MYO16: variants seen among roughly 807,000 people sequenced by gnomAD.
The protein encoded by MYO16 is unconventional myosin-XVI.
Under a neutral mutation model 205.3 loss-of-function variants are expected in MYO16, and 94 were observed. That is an observed-to-expected ratio of 0.46 (90% confidence interval 0.39 to 0.54). MYO16 has a LOEUF of 0.54. Among genes scored for constraint, MYO16 ranks in the 20% least tolerant of loss-of-function variants. The pLI is 0.00. For synonymous variants in MYO16, 988 were observed against 954.0 expected (o/e 1.04, Z -0.66); for missense variants, 2,315 against 2,387.5 (o/e 0.97, Z 0.63).
chr13:108,749,136 C>A (rs1885150566), intron 4 of MYO16, among the ~76,000 whole-genome samples: 1 of 151,598 alleles, frequency 6.6e-6, no homozygotes, highest in Admixed American at 6.6e-5. Context: ...TTAACATATG[C>A]ATTACCTCAC....
chr13:109,033,984 C>G (rs1886628741), intron 23 of MYO16, among the ~76,000 whole-genome samples: 2 of 152,138 alleles, frequency 1.3e-5, no homozygotes, highest in African/African-American at 2.4e-5. Flanking sequence ...ATCTGGAAGG[C>G]CAGGCTGAGA....
chr13:108,850,346 G>A (rs1412574692), intron 10 of MYO16, among the ~76,000 whole-genome samples: 2 of 152,242 alleles, frequency 1.3e-5, no homozygotes, highest in African/African-American at 4.8e-5. Context: ...CAATGGAGAC[G>A]AGGGATCAGC....
chr13:109,148,732 G>A (rs974566173), intron 32 of MYO16, among the ~76,000 whole-genome samples: 4 of 152,160 alleles, frequency 2.6e-5, no homozygotes, highest in Non-Finnish European at 4.4e-5. Context: ...GTGAGGAGCC[G>A]CTGCAGGAGA....
intron 2 of MYO16, among the ~76,000 whole-genome samples, chr13:108,695,637 T>C (rs909552691): frequency 3.3e-5 from 5 of 152,104 alleles, no homozygotes; most frequent in Admixed American, 6.6e-5. Context: ...TTATTGTAGG[T>C]CAATTTACCA....
chr13:108,767,357 C>T (rs1282647983), intron 4 of MYO16, among the ~76,000 whole-genome samples: 1 of 152,180 alleles, frequency 6.6e-6, no homozygotes, highest in Non-Finnish European at 1.5e-5. Flanking sequence ...CCGCCTCAGC[C>T]TCCCAAAGTG....
the MYO16 span, among the ~76,000 whole-genome samples, chr13:108,500,206 GTTTTTTTTTTTTTT>G: frequency 1.7e-4 from 2 of 11,950 alleles, no homozygotes; most frequent in Non-Finnish European, 3.2e-4. Flanking sequence ...GTTGATTCCT[GTTTTTTTTTTTTTT>G]GTTTTTTTTT....
chr13:108,675,614 G>C (rs182339772), intron 2 of MYO16, among the ~76,000 whole-genome samples: 169 of 152,304 alleles, frequency 1.1e-3, no homozygotes, highest in Admixed American at 1.5e-3. Context: ...CATTAAAAGG[G>C]AGTTGCTGTG....
At chr13:108,796,699 T>C (rs1160308635) in intron 6 of MYO16, among the ~76,000 whole-genome samples, 5 of 144,356 alleles carry the variant, frequency 3.5e-5, no homozygotes, top group Non-Finnish European at 6.0e-5. Context: ...TTCTCACTCA[T>C]AGGTGGGAAT....
At chr13:109,150,283 A>G (rs978682731) in intron 32 of MYO16, among the ~76,000 whole-genome samples, 3 of 152,222 alleles carry the variant, frequency 2.0e-5, no homozygotes, top group African/African-American at 7.2e-5. Context: ...CGGTAACAGC[A>G]AAGTGAGAAA....
intron 32 of MYO16, among the ~76,000 whole-genome samples, chr13:109,160,117 G>A (rs1018586166): frequency 2.6e-5 from 4 of 152,184 alleles, no homozygotes; most frequent in East Asian, 1.9e-4. Context: ...CTCACCAGAC[G>A]TCAGTAGCAC....
intron 34 of MYO16, among the ~76,000 whole-genome samples, chr13:109,202,348 G>A (rs1333830674): frequency 6.6e-6 from 1 of 152,034 alleles, no homozygotes; most frequent in Non-Finnish European, 1.5e-5. Context: ...CCTTTTCACT[G>A]CATCTATGCC....
chr13:108,641,560 T>A (rs1321795434), intron 1 of MYO16, among the ~76,000 whole-genome samples: 1 of 152,176 alleles, frequency 6.6e-6, no homozygotes, highest in East Asian at 1.9e-4. Flanking sequence ...TTAAAGTCAT[T>A]GCTGCAAAGT....
chr13:108,763,777 AG>A (rs1419337263), intron 4 of MYO16, among the ~76,000 whole-genome samples: 1 of 138,938 alleles, frequency 7.2e-6, no homozygotes. Flanking sequence ...CAGGGGAGAG[AG>A]AAAAGGAGTT....
intron 16 of MYO16, among the ~76,000 whole-genome samples, chr13:108,916,653 G>T (rs987278383): frequency 4.6e-5 from 7 of 152,122 alleles, no homozygotes; most frequent in Non-Finnish European, 1.0e-4. Flanking sequence ...TGTTACCCTA[G>T]GTGGACAGTG....
chr13:108,586,178 AAGAAG>A, the MYO16 span, among the ~76,000 whole-genome samples: 3 of 152,136 alleles, frequency 2.0e-5, no homozygotes, highest in East Asian at 1.9e-4. Context: ...CAGATAAAAA[AAGAAG>A]AGATCATTAG....
chr13:108,957,589 C>G (rs1883420025), intron 16 of MYO16, 99 bp from the exon 17 acceptor site: 1 of 749,522 alleles, frequency 1.3e-6, no homozygotes, highest in Admixed American at 2.1e-5. Flanking sequence ...CCAGGTGATT[C>G]CCATCATTTT....
At chr13:108,634,790 T>C (rs1880150795) in intron 1 of MYO16, among the ~76,000 whole-genome samples, 1 of 152,210 alleles carries the variant, frequency 6.6e-6, no homozygotes, top group Non-Finnish European at 1.5e-5. Flanking sequence ...TCCACCCCAG[T>C]TGCTGGCTTT....
intron 9 of MYO16, among the ~76,000 whole-genome samples, chr13:108,833,318 A>G (rs1347132807): frequency 6.6e-6 from 1 of 151,908 alleles, no homozygotes; most frequent in African/African-American, 2.4e-5. Context: ...ATTAATTCAA[A>G]TCTCTCCAAG....
At chr13:109,120,988 G>T (rs1403548282) in intron 29 of MYO16, among the ~76,000 whole-genome samples, 8 of 152,144 alleles carry the variant, frequency 5.3e-5, no homozygotes, top group Non-Finnish European at 1.0e-4. Flanking sequence ...GTTCCAGCCT[G>T]CAGTGAGCCG....
Sources: allele counts gnomAD v4.1 joint callset (sites outside exome capture counted in the v4.1 genomes callset), GRCh38; gene constraint gnomAD v4.1.1; transcripts MANE v1.5; gene names NCBI Gene and HGNC (gene_info 2026-07-23, HGNC 2026-07-21).